Variants in EIF4ENIF1 observed in about 807,000 individuals in gnomAD.
The protein encoded by EIF4ENIF1 is eukaryotic translation initiation factor 4E nuclear import factor 1.
Under a neutral mutation model 110.5 loss-of-function variants are expected in EIF4ENIF1, and 23 were observed. That is an observed-to-expected ratio of 0.21 (90% CI 0.15 to 0.29). The LOEUF (loss-of-function observed/expected upper bound fraction) is 0.29, where lower values mean the gene tolerates loss of function less well. Among genes scored for constraint, EIF4ENIF1 ranks in the 10% least tolerant of loss-of-function variants. EIF4ENIF1 has a pLI of 1.00. For missense variants in EIF4ENIF1, 1,031 were observed against 1,221.1 expected, an observed-to-expected ratio of 0.84 and a Z score of 2.32; for synonymous variants, 440 against 437.0, an observed-to-expected ratio of 1.01 and a Z score of -0.09.
At chr22:31,456,519 G>C (rs527701743) in intron 7 of EIF4ENIF1, among the ~76,000 whole-genome samples, 1 of 146,822 alleles carries the variant, frequency 6.8e-6, no homozygotes, top group East Asian at 2.1e-4. Flanking sequence ...CACCACACCC[G>C]GTCTACTATT....
chr22:31,477,476 A>G (rs1253738776), intron 2 of EIF4ENIF1, among the ~76,000 whole-genome samples: 1 of 152,180 alleles, frequency 6.6e-6, no homozygotes, highest in African/African-American at 2.4e-5. Flanking sequence ...CTAATCACAG[A>G]GTGATAAACA....
upstream of EIF4ENIF1, among the ~76,000 whole-genome samples, chr22:31,493,115 G>A (rs2052297914): frequency 6.7e-6 from 1 of 149,690 alleles, no homozygotes; most frequent in African/African-American, 2.5e-5. Flanking sequence ...CTCACTGCAA[G>A]CTCTGCCCCC....
At chr22:31,456,218 T>C (rs2050805797) in intron 7 of EIF4ENIF1, among the ~76,000 whole-genome samples, 1 of 149,266 alleles carries the variant, frequency 6.7e-6, no homozygotes, top group South Asian at 2.1e-4. Context: ...TTTTATTTTT[T>C]ATTACTTTTT....
At chr22:31,462,255 G>A (rs2051019006) in intron 6 of EIF4ENIF1, among the ~76,000 whole-genome samples, 1 of 152,084 alleles carries the variant, frequency 6.6e-6, no homozygotes. Context: ...TGCCGAGGCG[G>A]GTGATCACCT....
At position 31,446,454 on chromosome 22, in the gene EIF4ENIF1, G is replaced by A. The variant is rs915006939; in HGVS notation, c.1988+972C>T. ...CTATAAATAGGATGTGCTTGTGTAA[G>A]GCTATCTCCTGGTCTCAGTATCTTC... is the stretch of plus-strand genomic sequence containing the variant. On this transcript the variant is annotated intron_variant, in intron 14 of 18. Transcript: ENST00000330125. Among the ~76,000 whole-genome samples, 384 of 152,208 alleles carry A rather than the reference G, an allele frequency of 2.5e-3. 4 individuals carry two copies. The highest frequency in any genetic ancestry group is 4.1e-3 in the Non-Finnish European group (280 of 68,020).
intron 12 of EIF4ENIF1, 101 bp from the exon 13 acceptor site, chr22:31,448,333 G>C (rs2050541484): frequency 8.6e-7 from 1 of 1,167,644 alleles, no homozygotes; most frequent in Non-Finnish European, 1.3e-6. Flanking sequence ...GCCATCTCTT[G>C]GAAAGCACTG....
intron 7 of EIF4ENIF1, among the ~76,000 whole-genome samples, chr22:31,456,986 G>A (rs2050851075): frequency 6.6e-6 from 1 of 152,150 alleles, no homozygotes; most frequent in South Asian, 2.1e-4. Context: ...TCAAGTATGG[G>A]GAACTGATGA....
Position 31,442,083 on chromosome 22 carries a change from C to T in EIF4ENIF1, c.2242G>A (p.Asp748Asn), listed in dbSNP as rs751498679. The T allele has an allele frequency of 3.6e-5, 58 of 1,613,900 alleles. No homozygotes were observed. In the Admixed American group the frequency reaches 4.3e-4, roughly 12 times the overall value. The change falls in exon 17 of 19, where the codon GAT becomes AAT. Residue 748 changes from aspartate (D) to asparagine (N), a missense_variant. Transcript: ENST00000330125. ...LLSSSSVPSA[D>N]RDSSPTTNSK... Reference sequence around the variant, plus strand: ...TTTGTAGTGGGAGAAGAGTCTCGATCGGCACTGGGTACAGAGCTGGATGAC... The same window carrying T: ...TTTGTAGTGGGAGAAGAGTCTCGATTGGCACTGGGTACAGAGCTGGATGAC...
intron 12 of EIF4ENIF1, among the ~76,000 whole-genome samples, chr22:31,448,548 C>T (rs1323713258): frequency 2.6e-5 from 4 of 152,212 alleles, no homozygotes; most frequent in Admixed American, 1.3e-4. Context: ...TTAAAATAGA[C>T]ACCATTGCTC....
At position 31,478,674 on chromosome 22, in the gene EIF4ENIF1, G is replaced by A. The variant is rs376272354; in HGVS notation, c.97-6757C>T. The stretch of plus-strand genomic sequence containing the variant: ...CTACTGAAAATACAAAAAAATGGCC[G>A]GGCACAGTGGCTCAAGCCTGTAATC... On this transcript the variant is annotated intron_variant, in intron 2 of 18. Coordinates refer to ENST00000330125, the MANE Select transcript of EIF4ENIF1 (RefSeq NM_019843.4). 3.8e-4 allele frequency among the ~76,000 whole-genome samples: 57 copies of A among 150,356 alleles called. No homozygotes were observed. In the South Asian group the frequency reaches 0.011, roughly 29 times the overall value.
At chr22:31,466,858 C>T (rs1039508996) in intron 4 of EIF4ENIF1, among the ~76,000 whole-genome samples, 13 of 152,050 alleles carry the variant, frequency 8.5e-5, no homozygotes, top group Non-Finnish European at 1.9e-4. Flanking sequence ...AAAATGTCTT[C>T]CTAGAAAAAC....
intron 2 of EIF4ENIF1, among the ~76,000 whole-genome samples, chr22:31,475,511 G>A (rs2051538089): frequency 6.6e-6 from 1 of 152,094 alleles, no homozygotes; most frequent in African/African-American, 2.4e-5. Flanking sequence ...CAGCACTATA[G>A]GAGGCTGAGG....
chr22:31,458,545 G>A lies in EIF4ENIF1; in HGVS notation c.893C>T (p.Pro298Leu), dbSNP rs200277467. 5.6e-6 allele frequency: 9 copies of A among 1,613,808 alleles called. No individual in the cohort carries two copies. Among genetic ancestry groups the A allele is most frequent in the African/African-American group, 2.7e-5 (2 of 75,040 alleles). ...GTCAAAGTCTCCTGGGGACTGCTCA[G>A]GCAAGACAGCATCCCTTGGCACTTC... The part of the protein sequence containing the change: ...DQEVPRDAVL[P>L]EQSPGDFDFN... Residue 298 changes from proline to leucine, a missense_variant, in exon 7 of 19, where the codon CCT becomes CTT. Around this residue, in one of 3 missense-constraint regions of EIF4ENIF1, gnomAD observed 704 missense variants for 879.7 expected, o/e 0.80. Coordinates refer to ENST00000330125, the MANE Select transcript of EIF4ENIF1 (RefSeq NM_019843.4).
chr22:31,473,196 T>C (rs1193919953), intron 2 of EIF4ENIF1, among the ~76,000 whole-genome samples: 1 of 152,140 alleles, frequency 6.6e-6, no homozygotes, highest in Non-Finnish European at 1.5e-5. Flanking sequence ...TGAGAGAATT[T>C]AGCCCTACAG....
Position 31,449,351 on chromosome 22 carries a change from T to C in EIF4ENIF1, c.1765A>G (p.Ile589Val). Reference sequence around the variant, plus strand: ...TTTGACAAATAAGTATATTTACCAATTGGTGATGGTATTCTTGGGCGAAGG... The same window carrying C: ...TTTGACAAATAAGTATATTTACCAACTGGTGATGGTATTCTTGGGCGAAGG... ...DYLRPRIPSPIGFTPGPQQLL... is the reference protein window; with the variant it reads ...DYLRPRIPSPVGFTPGPQQLL... The change falls in exon 12 of 19, where the codon ATT (isoleucine) becomes GTT (valine). Residue 589 changes from isoleucine to valine, a missense_variant. Ile to Val is a conservative substitution (Grantham distance 29). This residue lies in a region of EIF4ENIF1 where 704 missense variants were observed against 879.7 expected (regional missense o/e 0.80). Coordinates refer to ENST00000330125, the MANE Select transcript of EIF4ENIF1 (RefSeq NM_019843.4). 2 of 1,613,078 alleles carry C rather than the reference T, an allele frequency of 1.2e-6. No homozygotes were observed. Among genetic ancestry groups the C allele is most frequent in the Non-Finnish European group, 8.5e-7 (1 of 1,179,658 alleles).
In EIF4ENIF1 at chr22:31,443,021, G is replaced by A. The variant is rs578050828; in HGVS notation, c.2147C>T (p.Pro716Leu). 11 of 1,614,110 alleles carry A rather than the reference G, an allele frequency of 6.8e-6. No homozygotes were observed. In the African/African-American group the frequency reaches 1.5e-4, roughly 22 times the overall value. ...ACCAAGAGCTGCTTTTCCAGATGCTGGCTCCTCCTTGCTTTTCTCTTTGCT... is the reference window on the plus strand; with the variant it reads ...ACCAAGAGCTGCTTTTCCAGATGCTAGCTCCTCCTTGCTTTTCTCTTTGCT... ...YESKEKSKEEPASGKAALGDS... is the reference protein window; with the variant it reads ...YESKEKSKEELASGKAALGDS... Residue 716 changes from proline to leucine, a missense_variant, in exon 16 of 19, where the codon CCA becomes CTA. Physicochemically the swap from Pro to Leu is moderately conservative, Grantham distance 98. This residue lies in a region of EIF4ENIF1 where 309 missense variants were observed against 299.1 expected (regional missense o/e 1.03). Coordinates refer to ENST00000330125, the MANE Select transcript of EIF4ENIF1 (RefSeq NM_019843.4).
intron 7 of EIF4ENIF1, 138 bp from the exon 8 acceptor site, chr22:31,456,125 A>G: frequency 1.2e-6 from 1 of 828,268 alleles, no homozygotes; most frequent in Non-Finnish European, 1.8e-6. Context: ...AGAACCTAGG[A>G]ATTTGAACAC....
intron 2 of EIF4ENIF1, among the ~76,000 whole-genome samples, chr22:31,485,318 A>C (rs1458933804): frequency 2.5e-4 from 38 of 152,234 alleles, no homozygotes. Flanking sequence ...GGACTGTCAA[A>C]AATGGACAAT....
At chr22:31,442,197 A>C in intron 16 of EIF4ENIF1, 79 bp from the exon 17 acceptor site, 983 of 1,101,208 alleles carry the variant, frequency 8.9e-4, no homozygotes, top group Middle Eastern at 1.3e-3. Context: ...AATAAATCTC[A>C]TTTCTTAAGG....
Sources: allele counts gnomAD v4.1 joint callset (sites outside exome capture counted in the v4.1 genomes callset), GRCh38; gene constraint gnomAD v4.1.1; regional missense constraint gnomAD v4.1.1; transcripts MANE v1.5; gene names NCBI Gene and HGNC (gene_info 2026-07-23, HGNC 2026-07-21).